The following EHBP1 variants were observed in gnomAD, a reference collection of about 807,000 sequenced individuals.
EHBP1 encodes the protein EH domain-binding protein 1.
In EHBP1, 55 loss-of-function variants were observed where a neutral mutation model predicts 144.0. That is an observed-to-expected ratio of 0.38 (90% CI 0.31 to 0.48). EHBP1 has a LOEUF of 0.48. Ranked by LOEUF, EHBP1 falls within the 20% of genes least tolerant of loss-of-function variation. The probability of loss-of-function intolerance (pLI) is 0.98; values close to 1 mark genes in which losing one functional copy is unlikely to be tolerated. For missense variants in EHBP1, 1,200 were observed against 1,364.2 expected (o/e 0.88, Z 1.90); for synonymous variants, 469 against 472.7 (o/e 0.99, Z 0.10).
At chr2:62,964,051 A>G (rs564086071) in intron 14 of EHBP1, among the ~76,000 whole-genome samples, 4 of 152,324 alleles carry the variant, frequency 2.6e-5, no homozygotes, top group African/African-American at 9.6e-5. Context: ...ATTTTAAATA[A>G]TAGTTTATCT....
chr2:62,786,914 G>T (rs191418119), intron 5 of EHBP1, among the ~76,000 whole-genome samples: 1 of 152,310 alleles, frequency 6.6e-6, no homozygotes, highest in Admixed American at 6.5e-5. Flanking sequence ...AGGGACCCCT[G>T]TAGCCTGTTG....
At chr2:62,841,507 A>G (rs1187840888) in intron 7 of EHBP1, among the ~76,000 whole-genome samples, 1 of 152,204 alleles carries the variant, frequency 6.6e-6, no homozygotes, top group Non-Finnish European at 1.5e-5. Context: ...AATAAAAAAA[A>G]TAAAGCAAAA....
chr2:62,979,601 G>A (rs185546723), intron 15 of EHBP1, among the ~76,000 whole-genome samples: 2 of 152,294 alleles, frequency 1.3e-5, no homozygotes, highest in Admixed American at 1.3e-4. Context: ...ACCTTGGTTT[G>A]TGATACCCCA....
At chr2:63,023,827 A>C (rs545722376) in intron 19 of EHBP1, among the ~76,000 whole-genome samples, 107 of 152,358 alleles carry the variant, frequency 7.0e-4, no homozygotes, top group Admixed American at 2.7e-3. Flanking sequence ...AAGTCAAGGA[A>C]GACATTTAGA....
intron 2 of EHBP1, among the ~76,000 whole-genome samples, chr2:62,717,545 A>G (rs2035800887): frequency 6.6e-6 from 1 of 152,178 alleles, no homozygotes; most frequent in Non-Finnish European, 1.5e-5. Context: ...GCAGGATGTA[A>G]TTGTACCTGG....
intron 5 of EHBP1, among the ~76,000 whole-genome samples, chr2:62,798,192 C>G (rs942338906): frequency 1.3e-5 from 2 of 151,860 alleles, no homozygotes; most frequent in African/African-American, 4.8e-5. Flanking sequence ...TGTGGTGAAA[C>G]CCCCGTCTCT....
chr2:63,035,010 AG>A (rs1163684565), intron 19 of EHBP1, among the ~76,000 whole-genome samples: 2 of 152,042 alleles, frequency 1.3e-5, no homozygotes, highest in Admixed American at 1.3e-4. Flanking sequence ...AAATGAGAAA[AG>A]CTCACTGTGA....
intron 6 of EHBP1, among the ~76,000 whole-genome samples, chr2:62,826,867 A>G (rs1164978870): frequency 1.3e-5 from 2 of 152,204 alleles, no homozygotes; most frequent in Admixed American, 6.5e-5. Flanking sequence ...TGAGGTGAAC[A>G]TACCTACAAA....
At chr2:63,021,446 T>G (rs991653835) in intron 19 of EHBP1, among the ~76,000 whole-genome samples, 2 of 152,208 alleles carry the variant, frequency 1.3e-5, no homozygotes, top group African/African-American at 4.8e-5. Flanking sequence ...TGCTAGTCCC[T>G]TTATCTGAAT....
chr2:62,896,327 T>C (rs1355073769), intron 10 of EHBP1, among the ~76,000 whole-genome samples: 1 of 152,182 alleles, frequency 6.6e-6, no homozygotes, highest in Non-Finnish European at 1.5e-5. Flanking sequence ...AGTGATGTTA[T>C]ACAAGTCAGA....
At chr2:62,779,060 C>T (rs1363182467) in intron 5 of EHBP1, among the ~76,000 whole-genome samples, 2 of 152,174 alleles carry the variant, frequency 1.3e-5, no homozygotes, top group African/African-American at 4.8e-5. Flanking sequence ...GAGAATACCA[C>T]ATCGCAAACA....
intron 5 of EHBP1, among the ~76,000 whole-genome samples, chr2:62,778,473 G>C (rs1252825483): frequency 6.6e-6 from 1 of 151,546 alleles, no homozygotes; most frequent in Non-Finnish European, 1.5e-5. Flanking sequence ...GAGCCTGGGA[G>C]GTTGAGACTG....
At chr2:62,724,160 T>G (rs534320262) in intron 2 of EHBP1, among the ~76,000 whole-genome samples, 1 of 152,294 alleles carries the variant, frequency 6.6e-6, no homozygotes, top group Non-Finnish European at 1.5e-5. Context: ...CTCAGAGGTT[T>G]TATTTGTTCC....
intron 4 of EHBP1, among the ~76,000 whole-genome samples, chr2:62,771,083 G>A (rs1270745570): frequency 6.6e-6 from 1 of 151,998 alleles, no homozygotes; most frequent in Non-Finnish European, 1.5e-5. Context: ...ACCTGGGTGA[G>A]AAAATAATCT....
chr2:62,971,366 T>C (rs559046520), intron 14 of EHBP1, among the ~76,000 whole-genome samples: 1 of 151,772 alleles, frequency 6.6e-6, no homozygotes. Context: ...TAAGTGAATG[T>C]AAACAAATTA....
intron 19 of EHBP1, among the ~76,000 whole-genome samples, chr2:63,020,678 CTTTT>C: frequency 6.9e-6 from 1 of 145,042 alleles, no homozygotes; most frequent in East Asian, 2.0e-4. Flanking sequence ...TTTTTTCTTT[CTTTT>C]TTTTTTTGTT....
chr2:62,972,229 T>A (rs2058530560), intron 14 of EHBP1, among the ~76,000 whole-genome samples: 1 of 152,156 alleles, frequency 6.6e-6, no homozygotes, highest in Non-Finnish European at 1.5e-5. Context: ...ATTTCTTAGG[T>A]TTAGGCAAAC....
chr2:62,828,449 A>AT lies in EHBP1; in HGVS notation c.494+2184dup, dbSNP rs1476141821. The stretch of plus-strand genomic sequence containing the variant: ...CTTAAAACATTTAAAAAAAGTTCAG[A>AT]TTTATCAAATACATGGTATTTAACA... On this transcript the variant is annotated intron_variant, in intron 6 of 22. Transcript: ENST00000431489. Among the ~76,000 whole-genome samples, 4 of 152,218 alleles carry AT rather than the reference A, an allele frequency of 2.6e-5. No homozygotes were observed. In the East Asian group the frequency reaches 7.7e-4, roughly 29 times the overall value.
At chr2:62,745,391 G>A (rs1342531216) in intron 2 of EHBP1, among the ~76,000 whole-genome samples, 2 of 151,806 alleles carry the variant, frequency 1.3e-5, no homozygotes, top group Admixed American at 6.6e-5. Context: ...TATGGAATGG[G>A]TGGGAGGGGA....
Sources: allele counts gnomAD v4.1 joint callset (sites outside exome capture counted in the v4.1 genomes callset), GRCh38; gene constraint gnomAD v4.1.1; transcripts MANE v1.5; gene names NCBI Gene and HGNC (gene_info 2026-07-23, HGNC 2026-07-21).